Variants in RAD52 observed in about 807,000 individuals in gnomAD.
RAD52 encodes DNA repair protein RAD52 homolog.
RAD52 carries 47 observed loss-of-function variants against 55.5 expected under a neutral mutation model. That is an observed-to-expected ratio of 0.85 (90% CI 0.67 to 1.08). The LOEUF (loss-of-function observed/expected upper bound fraction) is 1.08. Ranked by LOEUF, RAD52 falls within the 50% of genes least tolerant of loss-of-function variation. The pLI is 0.00. For missense variants in RAD52, 468 were observed against 522.8 expected, an observed-to-expected ratio of 0.90 and a Z score of 1.02; for synonymous variants, 184 against 198.9, an observed-to-expected ratio of 0.92 and a Z score of 0.63.
intron 1 of RAD52, among the ~76,000 whole-genome samples, chr12:973,164 G>A (rs2107649): frequency 0.06 from 9,105 of 152,084 alleles, 324 homozygotes; most frequent in African/African-American, 0.099. Flanking sequence ...CCCCCTCCCG[G>A]GTTGACACCA....
rs200785626 is a variant in RAD52, at chr12:916,672, G to C, written c.692C>G (p.Ala231Gly). 4.3e-6 allele frequency: 7 copies of C among 1,614,084 alleles called. No homozygotes were observed. In the South Asian group the frequency reaches 4.4e-5, roughly 10 times the overall value. Residue 231 changes from alanine to glycine, a missense_variant, in exon 8 of 12, where the codon GCT becomes GGT. Physicochemically the swap from Ala to Gly is moderately conservative, Grantham distance 60. Coordinates refer to ENST00000358495, the MANE Select transcript of RAD52 (RefSeq NM_134424.4). ...QVTSPSRPSH[A>G]VIPADQDCSS... is the part of the protein sequence containing the mutation. ...GCAGTCCTGGTCCGCCGGTATCACA[G>C]CATGGCTGGGTCTGGAAGGGGAGGT...
At chr12:923,527 T>C (rs2154112004) in intron 7 of RAD52, among the ~76,000 whole-genome samples, 1 of 150,974 alleles carries the variant, frequency 6.6e-6, no homozygotes, top group South Asian at 2.1e-4. Context: ...ACTCCTGCAT[T>C]CCAGCCTGGC....
chr12:922,202 A>AC (rs1555170812), intron 7 of RAD52, among the ~76,000 whole-genome samples: 4 of 147,700 alleles, frequency 2.7e-5, no homozygotes, highest in Non-Finnish European at 6.0e-5. Flanking sequence ...AAAAAAAAAA[A>AC]AAAAAAAAAA....
At chr12:913,611 C>A (rs895052627) in intron 11 of RAD52, among the ~76,000 whole-genome samples, 159 bp from the exon 12 acceptor site, 8 of 152,182 alleles carry the variant, frequency 5.3e-5, no homozygotes, top group African/African-American at 1.9e-4. Flanking sequence ...GACCAAGTGG[C>A]CTCGTGCTCA....
rs1226486374 is a variant in RAD52, at chr12:986,106, G to T, written c.-19+3703C>A. Among the ~76,000 whole-genome samples, 9 of 151,294 alleles carry T rather than the reference G, an allele frequency of 5.9e-5. No homozygotes were observed. In the South Asian group the frequency reaches 1.7e-3, roughly 28 times the overall value. ...TGTGCCACCATGTCTGGCTAATTTTGTATTTTTAGTAGAGATGGGGTTTTT... is the reference window on the plus strand; with the variant it reads ...TGTGCCACCATGTCTGGCTAATTTTTTATTTTTAGTAGAGATGGGGTTTTT... On this transcript the variant is annotated intron_variant, in intron 1 of 11. Transcript: ENST00000430095.
At chr12:933,150 G>A (rs570519798) in intron 1 of RAD52, 74 bp from the exon 2 acceptor site, 6 of 1,080,898 alleles carry the variant, frequency 5.6e-6, no homozygotes, top group Admixed American at 4.0e-5. Context: ...AGCCTCTACT[G>A]AAAAATCACA....
At chr12:923,716 G>A (rs1247550189) in intron 7 of RAD52, among the ~76,000 whole-genome samples, 2 of 151,934 alleles carry the variant, frequency 1.3e-5, no homozygotes, top group South Asian at 4.2e-4. Context: ...AACACTACTC[G>A]ACCACACACT....
chr12:917,223 G>A (rs940211177), intron 7 of RAD52, among the ~76,000 whole-genome samples: 3 of 152,212 alleles, frequency 2.0e-5, no homozygotes, highest in African/African-American at 7.2e-5. Context: ...GGAGCCTCGG[G>A]CACGCTGTGG....
At chr12:980,682 A>G (rs979628162) in intron 1 of RAD52, among the ~76,000 whole-genome samples, 4 of 150,292 alleles carry the variant, frequency 2.7e-5, no homozygotes, top group Non-Finnish European at 4.4e-5. Context: ...GCTCACTGCA[A>G]CCGCCGCCTC....
intron 1 of RAD52, among the ~76,000 whole-genome samples, chr12:970,149 A>G (rs931864939): frequency 1.8e-4 from 28 of 151,924 alleles, no homozygotes; most frequent in African/African-American, 6.3e-4. Flanking sequence ...TCTACTAAAA[A>G]TACAAAAATT....
Position 972,906 on chromosome 12 carries a change from G to A in RAD52, c.-19+16903C>T, listed in dbSNP as rs114382322. 3.0e-3 allele frequency among the ~76,000 whole-genome samples: 456 copies of A among 152,166 alleles called. 1 individual carries two copies. The highest frequency in any genetic ancestry group is 9.5e-3 in the African/African-American group (394 of 41,502). On this transcript the variant is annotated intron_variant, in intron 1 of 11. Coordinates refer to the RAD52 transcript ENST00000430095. ...AGATGAGGTCAAAGAGTCAATGAGGGGGCAAATTTTGTAGGACATTATAGG... is the reference window on the plus strand; with the variant it reads ...AGATGAGGTCAAAGAGTCAATGAGGAGGCAAATTTTGTAGGACATTATAGG...
chr12:927,365 C>T (rs1957095141), intron 5 of RAD52, 102 bp from the exon 6 acceptor site: 2 of 870,752 alleles, frequency 2.3e-6, no homozygotes, highest in Non-Finnish European at 3.8e-6. Context: ...ACTCTCCCAC[C>T]TGGCGGCCTT....
Position 930,159 on chromosome 12 carries a change from GTTT to G in RAD52, c.187-18_187-16del, listed in dbSNP as rs779324843. The G allele has an allele frequency of 6.3e-7, 1 of 1,581,648 alleles. No homozygotes were observed. Among genetic ancestry groups the G allele is most frequent in the Non-Finnish European group, 8.7e-7 (1 of 1,155,520 alleles). On this transcript the variant is annotated splice_polypyrimidine_tract_variant and intron_variant, in intron 3 of 11. Coordinates refer to ENST00000358495, the MANE Select transcript of RAD52 (RefSeq NM_134424.4). ...ATGTAGCACACCTAGAAAAACAAAT[GTTT>G]TTAAGGAAAAGCTGTGTTAATTCCT...
upstream of RAD52, among the ~76,000 whole-genome samples, chr12:954,058 T>A (rs1050034615): frequency 1.3e-5 from 2 of 152,202 alleles, no homozygotes; most frequent in Non-Finnish European, 2.9e-5. Context: ...TGAAATGTTA[T>A]CTTTTTTAAA....
At chr12:946,053 T>C (rs1958210227) in intron 1 of RAD52, among the ~76,000 whole-genome samples, 1 of 151,712 alleles carries the variant, frequency 6.6e-6, no homozygotes, top group Admixed American at 6.6e-5. Flanking sequence ...GGTGGGAACA[T>C]AGGATTAATT....
At chr12:943,682 T>C (rs1339409020) in intron 1 of RAD52, among the ~76,000 whole-genome samples, 1 of 151,812 alleles carries the variant, frequency 6.6e-6, no homozygotes, top group Non-Finnish European at 1.5e-5. Flanking sequence ...ATATCAGTCT[T>C]TTGTCAAATA....
At chr12:968,535 C>A (rs1958800103) in intron 1 of RAD52, among the ~76,000 whole-genome samples, 1 of 152,056 alleles carries the variant, frequency 6.6e-6, no homozygotes, top group Admixed American at 6.5e-5. Flanking sequence ...AATAAAAACC[C>A]TTTTCTCCAG....
chr12:925,548 T>C (rs777906261), intron 6 of RAD52, 23 bp from the exon 7 acceptor site: 1 of 1,558,846 alleles, frequency 6.4e-7, no homozygotes, highest in Non-Finnish European at 8.8e-7. Context: ...GAAAAAAAGG[T>C]GAAACAGGGT....
At chr12:958,796 C>T (rs973509451) in intron 1 of RAD52, among the ~76,000 whole-genome samples, 3 of 152,044 alleles carry the variant, frequency 2.0e-5, no homozygotes, top group Non-Finnish European at 2.9e-5. Context: ...CTACAAGTGG[C>T]GGTGGGTGGG....
Sources: allele counts gnomAD v4.1 joint callset (sites outside exome capture counted in the v4.1 genomes callset), GRCh38; gene constraint gnomAD v4.1.1; transcripts MANE v1.5; gene names NCBI Gene and HGNC (gene_info 2026-07-23, HGNC 2026-07-21).